CAPN5: variants seen among roughly 807,000 people sequenced by gnomAD.
CAPN5 encodes calpain-5.
A neutral mutation model predicts 73.0 loss-of-function variants in CAPN5; 54 were observed. That is an observed-to-expected ratio of 0.74 (90% confidence interval 0.59 to 0.93). The LOEUF (loss-of-function observed/expected upper bound fraction) is 0.93, where lower values mean the gene tolerates loss of function less well. Among genes scored for constraint, CAPN5 ranks in the 40% least tolerant of loss-of-function variants. The pLI, the probability that CAPN5 is intolerant of heterozygous loss-of-function variation, is 0.00. For missense variants in CAPN5, 785 were observed against 882.9 expected, an observed-to-expected ratio of 0.89 and a Z score of 1.41; for synonymous variants, 335 against 356.9, an observed-to-expected ratio of 0.94 and a Z score of 0.69.
intron 1 of CAPN5, among the ~76,000 whole-genome samples, chr11:77,068,047 G>C (rs1316514350): frequency 6.6e-6 from 1 of 152,198 alleles, no homozygotes; most frequent in Non-Finnish European, 1.5e-5. Flanking sequence ...GGGAAAGAGA[G>C]ATCTGGGCAG....
chr11:77,093,601 CTG>C, intron 2 of CAPN5, 79 bp from the exon 3 acceptor site: 2 of 1,424,976 alleles, frequency 1.4e-6, no homozygotes, highest in East Asian at 2.6e-5. Flanking sequence ...TCTGTCACGT[CTG>C]TGTCTGTCAT....
At chr11:77,089,489 G>A (rs1184451119) in intron 2 of CAPN5, among the ~76,000 whole-genome samples, 1 of 152,204 alleles carries the variant, frequency 6.6e-6, no homozygotes, top group African/African-American at 2.4e-5. Flanking sequence ...CAGGAAAAGT[G>A]GAAGGACAAA....
chr11:77,074,604 T>C (rs1555033660), intron 1 of CAPN5, among the ~76,000 whole-genome samples: 1 of 152,198 alleles, frequency 6.6e-6, no homozygotes, highest in East Asian at 1.9e-4. Flanking sequence ...AAGCCCCAGC[T>C]GTTCAGCCCT....
chr11:77,075,972 G>A (rs1319496078), intron 1 of CAPN5, among the ~76,000 whole-genome samples: 1 of 152,162 alleles, frequency 6.6e-6, no homozygotes, highest in African/African-American at 2.4e-5. Context: ...CATGTACAAT[G>A]TAATATTTTG....
At chr11:77,105,631 G>A (rs2135462465) in intron 3 of CAPN5, among the ~76,000 whole-genome samples, 1 of 152,314 alleles carries the variant, frequency 6.6e-6, no homozygotes, top group East Asian at 1.9e-4. Flanking sequence ...TCACTGATGT[G>A]CTGTGTGTCC....
In CAPN5 at chr11:77,115,435, G is replaced by C; in HGVS notation, c.740G>C (p.Gly247Ala). The stretch of plus-strand genomic sequence containing the variant: ...GACATGGAGGCCCGCCTGGCGTGCG[G>C]CCTGGTAAAGGGCCACGCATACGCC... ...AADMEARLAC[G>A]LVKGHAYAVT... Residue 247 changes from glycine to alanine, a missense_variant, in exon 6 of 13, where the codon GGC becomes GCC. Coordinates refer to ENST00000648180, the MANE Select transcript of CAPN5 (RefSeq NM_004055.5). 6.2e-7 allele frequency: 1 copy of C among 1,609,028 alleles called. No homozygotes were observed. The highest frequency in any genetic ancestry group is 8.5e-7 in the Non-Finnish European group (1 of 1,176,674).
intron 3 of CAPN5, among the ~76,000 whole-genome samples, chr11:77,099,486 G>T (rs1235407562): frequency 1.8e-3 from 267 of 150,344 alleles, no homozygotes; most frequent in Non-Finnish European, 3.6e-3. Context: ...CCGGCACCTC[G>T]GGAGGCCAAG....
chr11:77,102,816 G>A (rs782545829), intron 3 of CAPN5: 34 of 1,539,350 alleles, frequency 2.2e-5, no homozygotes, highest in Admixed American at 7.7e-5. Flanking sequence ...GGTCCTTGGC[G>A]TTGGTGGCAG....
intron 6 of CAPN5, 135 bp from the exon 7 acceptor site, chr11:77,116,091 T>G (rs782426947): frequency 1.6e-4 from 122 of 754,260 alleles, no homozygotes; most frequent in Non-Finnish European, 2.3e-4. Flanking sequence ...ATGGCCTCAG[T>G]GCCCCTGGCC....
At position 77,123,973 on chromosome 11, in the gene CAPN5, A is replaced by C; in HGVS notation, c.*103A>C. ...GCCAGGATACTGGGGTCCTTTTCCC[A>C]CTCTTCCACTGACTTGCTGTGTGAC... On this transcript the variant is annotated 3_prime_UTR_variant, in exon 13 of 13. Transcript: ENST00000648180. The C allele has an allele frequency of 9.3e-7, 1 of 1,078,964 alleles. No individual in the cohort carries two copies. The highest frequency in any genetic ancestry group is 1.3e-6 in the Non-Finnish European group (1 of 746,320). The allele number at this position is 1,078,964 out of a possible 1,614,324, so 66.8% of individuals were successfully genotyped here. A position where few individuals can be genotyped will look rare whatever the true frequency, so the allele number is the denominator to read the frequency against.
intron 3 of CAPN5, among the ~76,000 whole-genome samples, chr11:77,098,202 AC>A (rs1565266922): frequency 3.0e-5 from 2 of 66,572 alleles, no homozygotes; most frequent in African/African-American, 9.1e-5. Flanking sequence ...CACCTCCCGG[AC>A]GGGGCGGCTG....
intron 2 of CAPN5, among the ~76,000 whole-genome samples, chr11:77,086,407 C>T (rs1418969070): frequency 2.6e-5 from 4 of 152,124 alleles, no homozygotes; most frequent in Non-Finnish European, 5.9e-5. Flanking sequence ...GAGCTGCTAG[C>T]AGGGGTAGTT....
intron 3 of CAPN5, among the ~76,000 whole-genome samples, chr11:77,111,833 T>C (rs1950413048): frequency 6.6e-6 from 1 of 152,118 alleles, no homozygotes; most frequent in African/African-American, 2.4e-5. Flanking sequence ...CCTGGCCTAA[T>C]CTGAATAGTC....
chr11:77,090,958 C>T (rs558092107), intron 2 of CAPN5, among the ~76,000 whole-genome samples: 1 of 152,160 alleles, frequency 6.6e-6, no homozygotes, highest in African/African-American at 2.4e-5. Context: ...TGAGACCAGG[C>T]GGCCTCACTG....
chr11:77,122,363 G>A (rs1950528382), intron 11 of CAPN5, among the ~76,000 whole-genome samples: 1 of 152,208 alleles, frequency 6.6e-6, no homozygotes, highest in Admixed American at 6.5e-5. Flanking sequence ...CGGGCAGAGG[G>A]AGCAGTGTGG....
intron 2 of CAPN5, among the ~76,000 whole-genome samples, chr11:77,093,041 G>A (rs1950165475): frequency 6.6e-6 from 1 of 152,222 alleles, no homozygotes; most frequent in Non-Finnish European, 1.5e-5. Flanking sequence ...TGCTTGCTGT[G>A]TGCCTTTGAC....
chr11:77,119,228 A>T, intron 9 of CAPN5, 76 bp downstream of exon 9: 11 of 1,459,720 alleles, frequency 7.5e-6, no homozygotes, highest in African/African-American at 1.4e-5. Flanking sequence ...TGCCTGAGGA[A>T]GAACGCTCTA....
chr11:77,102,891 G>A, intron 3 of CAPN5: 1 of 1,612,120 alleles, frequency 6.2e-7, no homozygotes, highest in South Asian at 1.1e-5. Flanking sequence ...GCTGGTCCTG[G>A]ACCAGGGCCT....
chr11:77,111,548 A>G (rs1198066806), intron 3 of CAPN5, among the ~76,000 whole-genome samples: 3 of 152,204 alleles, frequency 2.0e-5, no homozygotes, highest in African/African-American at 7.2e-5. Flanking sequence ...GATGCGTCAT[A>G]AGTAATAAAA....
Sources: gnomAD v4.1 joint callset for allele counts (sites outside exome capture counted in the v4.1 genomes callset) on GRCh38, gnomAD v4.1.1 for gene constraint, MANE v1.5 for transcripts, NCBI Gene and HGNC (gene_info 2026-07-23, HGNC 2026-07-21) for gene names.